NXPE4: variants seen among roughly 807,000 people sequenced by gnomAD.
NXPE4 encodes the protein NXPE family member 4.
Under a neutral mutation model 33.3 loss-of-function variants are expected in NXPE4, and 42 were observed. The observed-to-expected ratio is 1.26, with a 90% CI of 0.98 to 1.63. The LOEUF (loss-of-function observed/expected upper bound fraction) is 1.63. NXPE4 is among the 40% of genes most tolerant of loss of function. The pLI is 0.00. For synonymous variants in NXPE4, 253 were observed against 234.9 expected, an observed-to-expected ratio of 1.08 and a Z score of -0.71; for missense variants, 709 against 647.6, an observed-to-expected ratio of 1.09 and a Z score of -1.03.
At chr11:114,634,876 A>G in the NXPE4 span, among the ~76,000 whole-genome samples, 1 of 151,946 alleles carries the variant, frequency 6.6e-6, no homozygotes, top group African/African-American at 2.4e-5. Context: ...GCCGTGTAGT[A>G]TAGTTTGAAG....
chr11:114,612,324 C>T, the NXPE4 span, among the ~76,000 whole-genome samples: 1 of 151,922 alleles, frequency 6.6e-6, no homozygotes, highest in African/African-American at 2.4e-5. Flanking sequence ...ACCACTGTTA[C>T]CTGGTGGATA....
At chr11:114,606,938 C>T in the NXPE4 span, among the ~76,000 whole-genome samples, 1 of 151,872 alleles carries the variant, frequency 6.6e-6, no homozygotes, top group African/African-American at 2.4e-5. Flanking sequence ...CATGGGTAAC[C>T]ACTGTTATCC....
chr11:114,627,811 A>C, the NXPE4 span, among the ~76,000 whole-genome samples: 1 of 151,850 alleles, frequency 6.6e-6, no homozygotes, highest in South Asian at 2.1e-4. Flanking sequence ...CTCAAAATAA[A>C]AGGATGGAGG....
At chr11:114,674,329 G>A in the NXPE4 span, among the ~76,000 whole-genome samples, 214 of 151,854 alleles carry the variant, frequency 1.4e-3, no homozygotes, top group African/African-American at 5.0e-3. Flanking sequence ...ATGTGCTTCA[G>A]TAATTGTGAT....
chr11:114,643,468 T>C, the NXPE4 span, among the ~76,000 whole-genome samples: 1 of 152,152 alleles, frequency 6.6e-6, no homozygotes, highest in Non-Finnish European at 1.5e-5. Flanking sequence ...TTCAGTTTTC[T>C]GTATATGGCT....
the NXPE4 span, among the ~76,000 whole-genome samples, chr11:114,660,430 T>G: frequency 3.3e-5 from 5 of 152,158 alleles, no homozygotes; most frequent in African/African-American, 1.2e-4. Flanking sequence ...GTGAGGCTTA[T>G]CTTGGTAATA....
At chr11:114,646,454 ATTC>A in the NXPE4 span, among the ~76,000 whole-genome samples, 1 of 151,936 alleles carries the variant, frequency 6.6e-6, no homozygotes, top group Non-Finnish European at 1.5e-5. Context: ...ACATTCTTGT[ATTC>A]TTGAGGTGAA....
At chr11:114,651,097 ATATAT>A in the NXPE4 span, among the ~76,000 whole-genome samples, 26,713 of 151,644 alleles carry the variant, frequency 0.18, 2,680 homozygotes, top group Non-Finnish European at 0.22. Context: ...ACAATATTAC[ATATAT>A]TATATATAAT....
At position 114,589,250 on chromosome 11, in the gene NXPE4, G is replaced by A. The variant is rs116107235; in HGVS notation, c.96+5414C>T. Among the ~76,000 whole-genome samples, 630 of 152,260 alleles carry A rather than the reference G, an allele frequency of 4.1e-3. 3 individuals carry two copies. The highest frequency in any genetic ancestry group is 0.014 in the African/African-American group (578 of 41,544). On this transcript the variant is annotated intron_variant, in intron 2 of 5. Coordinates refer to ENST00000375478, the MANE Select transcript of NXPE4 (RefSeq NM_001077639.2). ...AACCAGTCTCAAAGATGGTCCAGCA[G>A]GACTGATGGGTCCTGGTGCTCAAGC... is the stretch of plus-strand genomic sequence containing the variant.
the NXPE4 span, among the ~76,000 whole-genome samples, chr11:114,615,560 C>T: frequency 2.0e-5 from 3 of 151,826 alleles, no homozygotes; most frequent in Admixed American, 1.3e-4. Context: ...AGTGTTGCTT[C>T]GTGGGTAACC....
chr11:114,622,334 C>T, the NXPE4 span, among the ~76,000 whole-genome samples: 3 of 150,504 alleles, frequency 2.0e-5, no homozygotes, highest in South Asian at 6.3e-4. Context: ...TTACCCAATG[C>T]ATCATAAGTG....
At chr11:114,609,923 G>C in the NXPE4 span, among the ~76,000 whole-genome samples, 3 of 151,866 alleles carry the variant, frequency 2.0e-5, no homozygotes, top group Non-Finnish European at 4.4e-5. Context: ...ATTAACCGGT[G>C]GATAATAAGT....
At chr11:114,663,269 G>A in the NXPE4 span, among the ~76,000 whole-genome samples, 9 of 152,172 alleles carry the variant, frequency 5.9e-5, no homozygotes, top group African/African-American at 2.2e-4. Context: ...TGCCAACTCA[G>A]CCGCAGTACA....
At chr11:114,611,606 C>G in the NXPE4 span, among the ~76,000 whole-genome samples, 7 of 148,184 alleles carry the variant, frequency 4.7e-5, no homozygotes, top group East Asian at 1.0e-3. Flanking sequence ...GGTCACAATT[C>G]TTACCCTGTG....
intron 5 of NXPE4, among the ~76,000 whole-genome samples, chr11:114,574,899 C>A (rs1948963238): frequency 6.6e-6 from 1 of 151,988 alleles, no homozygotes; most frequent in South Asian, 2.1e-4. Context: ...AAGAAAACTA[C>A]AGACCAGTAA....
At chr11:114,622,485 C>A in the NXPE4 span, among the ~76,000 whole-genome samples, 7 of 151,944 alleles carry the variant, frequency 4.6e-5, no homozygotes, top group Admixed American at 3.9e-4. Flanking sequence ...TCATGGATAA[C>A]CACTGTTACC....
At chr11:114,587,378 C>A (rs749416555) in intron 2 of NXPE4, among the ~76,000 whole-genome samples, 14 of 152,160 alleles carry the variant, frequency 9.2e-5, no homozygotes, top group Non-Finnish European at 1.5e-4. Context: ...TACTTTAGTA[C>A]AGGACATAAT....
the NXPE4 span, among the ~76,000 whole-genome samples, chr11:114,609,488 C>A: frequency 6.6e-6 from 1 of 151,798 alleles, no homozygotes; most frequent in East Asian, 1.9e-4. Flanking sequence ...TCTAGGGTAA[C>A]CATTGTTACC....
chr11:114,580,080 G>T (rs1239598027), intron 5 of NXPE4, 52 bp downstream of exon 5: 3 of 1,441,038 alleles, frequency 2.1e-6, no homozygotes, highest in Non-Finnish European at 2.9e-6. Context: ...CCTTTGAAAT[G>T]GAAAAGAAGT....
Sources: gnomAD v4.1 joint callset for allele counts (sites outside exome capture counted in the v4.1 genomes callset) on GRCh38, gnomAD v4.1.1 for gene constraint, MANE v1.5 for transcripts, NCBI Gene and HGNC (gene_info 2026-07-23, HGNC 2026-07-21) for gene names.